Variants in HDAC9 observed in about 807,000 individuals in gnomAD.
HDAC9 encodes the protein histone deacetylase 9, also known as MEF-2 interacting transcription repressor (MITR) protein.
In HDAC9, 41 loss-of-function variants were observed where a neutral mutation model predicts 139.4. The observed-to-expected ratio is 0.29, with a 90% CI of 0.23 to 0.38. The LOEUF (loss-of-function observed/expected upper bound fraction) is 0.38, where lower values mean the gene tolerates loss of function less well. Ranked by LOEUF, HDAC9 falls within the 10% of genes least tolerant of loss-of-function variation. The pLI is 1.00. For synonymous variants in HDAC9, 517 were observed against 476.2 expected, an observed-to-expected ratio of 1.09 and a Z score of -1.12; for missense variants, 1,147 against 1,297.0, an observed-to-expected ratio of 0.88 and a Z score of 1.78.
chr7:18,660,906 G>A (rs1021632686), intron 11 of HDAC9, among the ~76,000 whole-genome samples: 3 of 152,124 alleles, frequency 2.0e-5, no homozygotes, highest in East Asian at 1.9e-4. Context: ...GACCATGGTA[G>A]GAGGTTTGAA....
intron 2 of HDAC9, among the ~76,000 whole-genome samples, chr7:18,502,864 A>G (rs1278606235): frequency 6.6e-6 from 1 of 152,162 alleles, no homozygotes; most frequent in Non-Finnish European, 1.5e-5. Context: ...TGAATAGAGT[A>G]TTCCTTTAAT....
chr7:18,773,122 T>C (rs976601336), intron 16 of HDAC9, among the ~76,000 whole-genome samples: 3 of 152,068 alleles, frequency 2.0e-5, no homozygotes, highest in East Asian at 1.9e-4. Context: ...ATTCACTTAC[T>C]TGCAGCATCT....
intron 11 of HDAC9, among the ~76,000 whole-genome samples, chr7:18,658,796 CAG>C (rs1425329567): frequency 1.3e-5 from 2 of 148,496 alleles, no homozygotes; most frequent in Non-Finnish European, 3.0e-5. Flanking sequence ...TGAATTCAAA[CAG>C]AATTTTATCA....
intron 16 of HDAC9, among the ~76,000 whole-genome samples, chr7:18,771,545 G>A (rs1476956391): frequency 7.1e-6 from 1 of 140,754 alleles, no homozygotes; most frequent in African/African-American, 3.2e-5. Context: ...ATATGTGTGT[G>A]TGTGTGTGTG....
rs549525078 is a variant in HDAC9 at position 18,105,860 on chromosome 7, G to A, written c.-97+18647G>A. ...CACCTGGTGAATAGATAAACAAAAT[G>A]TGGTGTAGTTGCACAATGGCATATT... On this transcript the variant is annotated intron_variant, in intron 1 of 12. Transcript: ENST00000417496. 1.8e-4 allele frequency among the ~76,000 whole-genome samples: 27 copies of A among 152,278 alleles called. No homozygotes were observed. The South Asian group carries it at 5.4e-3, about 30-fold the overall frequency.
At chr7:18,910,988 C>G (rs1397404435) in intron 22 of HDAC9, among the ~76,000 whole-genome samples, 1 of 151,612 alleles carries the variant, frequency 6.6e-6, no homozygotes, top group Non-Finnish European at 1.5e-5. Flanking sequence ...GAATTTTCTC[C>G]CCTTTAATAT....
At chr7:18,498,248 C>G (rs1026213788) in intron 2 of HDAC9, among the ~76,000 whole-genome samples, 8 of 152,084 alleles carry the variant, frequency 5.3e-5, no homozygotes, top group African/African-American at 1.9e-4. Flanking sequence ...ATTTAATTCA[C>G]CTAGTCTTTA....
intron 24 of HDAC9, among the ~76,000 whole-genome samples, chr7:18,957,916 C>T: frequency 6.6e-6 from 1 of 152,122 alleles, no homozygotes; most frequent in East Asian, 1.9e-4. Flanking sequence ...GAGAAGCAGG[C>T]TTGTAGCATG....
chr7:18,649,763 G>A (rs6958814), intron 11 of HDAC9, among the ~76,000 whole-genome samples: 13,162 of 151,972 alleles, frequency 0.087, 610 homozygotes, highest in East Asian at 0.13. Context: ...GGCCTCCATC[G>A]TAACAAGGGC....
intron 22 of HDAC9, among the ~76,000 whole-genome samples, chr7:18,876,502 G>A (rs1209171978): frequency 1.3e-5 from 2 of 152,148 alleles, no homozygotes; most frequent in African/African-American, 2.4e-5. Flanking sequence ...GAGAAGAGAA[G>A]TCCTTAGAGT....
chr7:18,576,752 T>C lies in HDAC9; in HGVS notation c.23-8529T>C, dbSNP rs182803606. Among the ~76,000 whole-genome samples, 111 of 152,022 alleles carry C rather than the reference T, an allele frequency of 7.3e-4. 1 individual carries two copies. The highest frequency in any genetic ancestry group is 4.5e-3 in the Admixed American group (69 of 15,276). ...CACTATCACTTCTCTGTTTCTCTTGTGTCTGCAATGATAAAAAAAAATACA... is the reference window on the plus strand; with the variant it reads ...CACTATCACTTCTCTGTTTCTCTTGCGTCTGCAATGATAAAAAAAAATACA... On this transcript the variant is annotated intron_variant, in intron 2 of 25. Transcript: ENST00000686413.
chr7:18,224,507 C>T (rs529504796), intron 2 of HDAC9, among the ~76,000 whole-genome samples: 1 of 152,256 alleles, frequency 6.6e-6, no homozygotes, highest in South Asian at 2.1e-4. Context: ...CACAAATTAA[C>T]CTCCGCAAAC....
intron 1 of HDAC9, among the ~76,000 whole-genome samples, chr7:18,466,945 A>G (rs1794329496): frequency 6.6e-6 from 1 of 152,154 alleles, no homozygotes; most frequent in African/African-American, 2.4e-5. Flanking sequence ...CTTTTATAAA[A>G]TATCTATTCA....
At chr7:18,331,734 A>T (rs893386687) in intron 1 of HDAC9, among the ~76,000 whole-genome samples, 6 of 151,706 alleles carry the variant, frequency 4.0e-5, no homozygotes, top group African/African-American at 1.4e-4. Context: ...GAGGTGATGA[A>T]GTAGTGGACT....
intron 2 of HDAC9, among the ~76,000 whole-genome samples, chr7:18,534,496 A>G (rs1008100762): frequency 6.6e-6 from 1 of 152,196 alleles, no homozygotes; most frequent in Non-Finnish European, 1.5e-5. Context: ...GAAGTGAGCT[A>G]TGATTGTGCC....
At chr7:18,520,431 A>G (rs1292068639) in intron 2 of HDAC9, among the ~76,000 whole-genome samples, 1 of 152,178 alleles carries the variant, frequency 6.6e-6, no homozygotes, top group African/African-American at 2.4e-5. Flanking sequence ...TTTTCTGAAT[A>G]ATTAGAGGCA....
chr7:18,262,211 T>C (rs1412608138), intron 2 of HDAC9, among the ~76,000 whole-genome samples: 1 of 152,158 alleles, frequency 6.6e-6, no homozygotes, highest in East Asian at 1.9e-4. Flanking sequence ...GTACAGAAGT[T>C]AAACAACAAG....
chr7:18,729,094 T>C (rs1785808397), intron 13 of HDAC9, among the ~76,000 whole-genome samples: 1 of 152,102 alleles, frequency 6.6e-6, no homozygotes, highest in Non-Finnish European at 1.5e-5. Flanking sequence ...GAGTTTTTGC[T>C]CAAAACCAGA....
chr7:18,590,371 A>G lies in HDAC9; in HGVS notation c.300A>G (p.Gln100=). 6.2e-7 allele frequency: 1 copy of G among 1,612,146 alleles called. No homozygotes were observed. Among genetic ancestry groups the G allele is most frequent in the Non-Finnish European group, 8.5e-7 (1 of 1,179,088 alleles). Reference sequence around the variant, plus strand: ...AACTTCTAGCCATAAAACAGCAACAAGAACTCCTAGAAAAGGAGCAGAAAC... The same window carrying G: ...AACTTCTAGCCATAAAACAGCAACAGGAACTCCTAGAAAAGGAGCAGAAAC... ...QQELLAIKQQ[Q]ELLEKEQKLE... is the part of the protein sequence containing the mutation. The change falls in exon 4 of 26, where the codon CAA becomes CAG. Residue 100 remains glutamine (Q), a synonymous_variant. Coordinates refer to ENST00000686413, the MANE Select transcript of HDAC9 (RefSeq NM_178425.4).
Sources: allele counts gnomAD v4.1 joint callset (sites outside exome capture counted in the v4.1 genomes callset), GRCh38; gene constraint gnomAD v4.1.1; transcripts MANE v1.5; gene names NCBI Gene and HGNC (gene_info 2026-07-23, HGNC 2026-07-21).